PARD3: variants seen among roughly 807,000 people sequenced by gnomAD.
PARD3 encodes the protein partitioning defective 3 homolog.
Under a neutral mutation model 155.4 loss-of-function variants are expected in PARD3, and 75 were observed. The ratio of observed to expected loss-of-function variants is 0.48; its 90% CI spans 0.40 to 0.58. The LOEUF (loss-of-function observed/expected upper bound fraction) is 0.58. Ranked by LOEUF, PARD3 falls within the 20% of genes least tolerant of loss-of-function variation. PARD3 has a pLI of 0.00. For missense variants in PARD3, 1,642 were observed against 1,721.7 expected, an observed-to-expected ratio of 0.95 and a Z score of 0.82; for synonymous variants, 576 against 610.5, an observed-to-expected ratio of 0.94 and a Z score of 0.83.
chr10:34,413,336 T>C (rs1458666409), intron 5 of PARD3, among the ~76,000 whole-genome samples: 1 of 152,120 alleles, frequency 6.6e-6, no homozygotes, highest in African/African-American at 2.4e-5. Context: ...GGCAGTACAG[T>C]CACACAAAGA....
chr10:34,550,205 G>A (rs745802971), intron 2 of PARD3, among the ~76,000 whole-genome samples: 10 of 152,126 alleles, frequency 6.6e-5, no homozygotes, highest in Non-Finnish European at 1.3e-4. Flanking sequence ...ACAGACAGGC[G>A]GGTCACTGCC....
chr10:34,363,796 T>A (rs1839692964), intron 12 of PARD3, among the ~76,000 whole-genome samples: 1 of 152,186 alleles, frequency 6.6e-6, no homozygotes, highest in African/African-American at 2.4e-5. Context: ...CTCACGCACA[T>A]ACATGTGTGT....
rs750520939 is a variant in PARD3 at position 34,552,950 on chromosome 10, G to A, written c.223-35791C>T. Among the ~76,000 whole-genome samples the A allele has an allele frequency of 6.0e-4, 91 of 152,086 alleles. 2 individuals carry two copies. The highest frequency in any genetic ancestry group is 1.1e-3 in the Non-Finnish European group (78 of 68,014). On this transcript the variant is annotated intron_variant, in intron 2 of 24. Coordinates refer to ENST00000374788, the MANE Select transcript of PARD3 (RefSeq NM_001184785.2). ...TAACAGTAACACCAACTGAAACTAC[G>A]TCAATGCCAACTTGAAGTGACTTCG...
At chr10:34,734,794 A>G (rs2094883130) in intron 1 of PARD3, among the ~76,000 whole-genome samples, 2 of 152,150 alleles carry the variant, frequency 1.3e-5, no homozygotes, top group Non-Finnish European at 2.9e-5. Flanking sequence ...ATAAAAAGAG[A>G]ATATGTTTGC....
chr10:34,582,058 G>A (rs557390846), intron 2 of PARD3, among the ~76,000 whole-genome samples: 54 of 152,070 alleles, frequency 3.6e-4, no homozygotes, highest in African/African-American at 1.2e-3. Flanking sequence ...AGAATTCCCC[G>A]GCAGAAACAT....
intron 22 of PARD3, among the ~76,000 whole-genome samples, chr10:34,224,391 C>T (rs1952480824): frequency 6.6e-6 from 1 of 152,210 alleles, no homozygotes; most frequent in Non-Finnish European, 1.5e-5. Context: ...TGAAACTCCC[C>T]CTCAGGGGAA....
At chr10:34,605,690 CTA>C (rs376884134) in intron 2 of PARD3, among the ~76,000 whole-genome samples, 214 of 14,576 alleles carry the variant, frequency 0.015, 12 homozygotes, top group African/African-American at 0.1. Context: ...TATATATCTC[CTA>C]TATATATATA....
Position 34,699,585 on chromosome 10 carries a change from G to T in PARD3, c.121-3166C>A, listed in dbSNP as rs1221340156. ...GCATACTTATTGATTCCACTTTGTAGTAGTTTGCATTAAAAAGTTTAAAAT... is the reference window on the plus strand; with the variant it reads ...GCATACTTATTGATTCCACTTTGTATTAGTTTGCATTAAAAAGTTTAAAAT... On this transcript the variant is annotated intron_variant, in intron 1 of 24. Transcript: ENST00000374788. Among the ~76,000 whole-genome samples the T allele has an allele frequency of 2.0e-5, 3 of 152,200 alleles. No homozygotes were observed. The East Asian group carries it at 5.8e-4, about 29-fold the overall frequency.
chr10:34,237,506 C>T (rs1016134048), intron 22 of PARD3, among the ~76,000 whole-genome samples: 1 of 152,082 alleles, frequency 6.6e-6, no homozygotes, highest in African/African-American at 2.4e-5. Flanking sequence ...AGGAGAAATG[C>T]TGCTGTTTAA....
intron 24 of PARD3, among the ~76,000 whole-genome samples, chr10:34,119,120 G>A (rs1007721612): frequency 9.2e-5 from 14 of 152,168 alleles, no homozygotes; most frequent in African/African-American, 2.4e-4. Flanking sequence ...AAACATGGGT[G>A]AGAGCAGTGA....
intron 20 of PARD3, among the ~76,000 whole-genome samples, chr10:34,284,481 T>C (rs1956295194): frequency 6.6e-6 from 1 of 152,172 alleles, no homozygotes; most frequent in African/African-American, 2.4e-5. Flanking sequence ...AATAGCAGTT[T>C]TTCCTTTAGC....
chr10:34,326,790 T>C (rs1165236498), intron 19 of PARD3, among the ~76,000 whole-genome samples: 2 of 152,222 alleles, frequency 1.3e-5, no homozygotes, highest in Non-Finnish European at 1.5e-5. Context: ...GGAGCAGTGC[T>C]TTTCTCCTAT....
At chr10:34,465,531 T>C (rs1462792478) in intron 4 of PARD3, among the ~76,000 whole-genome samples, 3 of 151,972 alleles carry the variant, frequency 2.0e-5, no homozygotes, top group Non-Finnish European at 2.9e-5. Context: ...CAAACAGAAA[T>C]AATAAACCCA....
At chr10:34,261,081 T>C (rs188882344) in intron 22 of PARD3, among the ~76,000 whole-genome samples, 3 of 152,200 alleles carry the variant, frequency 2.0e-5, no homozygotes, top group African/African-American at 7.2e-5. Flanking sequence ...TACTATTTTC[T>C]TGCTATTTAG....
chr10:34,442,705 C>T (rs916225276), intron 5 of PARD3, among the ~76,000 whole-genome samples: 6 of 151,998 alleles, frequency 3.9e-5, no homozygotes, highest in African/African-American at 1.4e-4. Flanking sequence ...CCCACCTGTA[C>T]AAAAAAATTT....
At chr10:34,154,130 T>A (rs1319973264) in intron 22 of PARD3, among the ~76,000 whole-genome samples, 3 of 152,210 alleles carry the variant, frequency 2.0e-5, no homozygotes, top group African/African-American at 7.2e-5. Context: ...AGCAGCTGCA[T>A]CCATAAATTT....
At chr10:34,433,950 T>C (rs1437688793) in intron 5 of PARD3, among the ~76,000 whole-genome samples, 1 of 152,148 alleles carries the variant, frequency 6.6e-6, no homozygotes, top group African/African-American at 2.4e-5. Flanking sequence ...CAGATATGGG[T>C]CCTGCCCTCT....
chr10:34,471,279 A>G (rs993206180), intron 3 of PARD3, among the ~76,000 whole-genome samples: 2 of 152,230 alleles, frequency 1.3e-5, no homozygotes, highest in Non-Finnish European at 2.9e-5. Flanking sequence ...CAGTATCAAT[A>G]ATACACTCAG....
At chr10:34,596,498 C>T (rs1344466382) in intron 2 of PARD3, among the ~76,000 whole-genome samples, 1 of 152,158 alleles carries the variant, frequency 6.6e-6, no homozygotes, top group Non-Finnish European at 1.5e-5. Context: ...AGAATTAGTG[C>T]AGAGCAAAGT....
Sources: allele counts gnomAD v4.1 joint callset (sites outside exome capture counted in the v4.1 genomes callset), GRCh38; gene constraint gnomAD v4.1.1; transcripts MANE v1.5; gene names NCBI Gene and HGNC (gene_info 2026-07-23, HGNC 2026-07-21).